Variants in NEGR1 observed in about 807,000 individuals in gnomAD.
The protein encoded by NEGR1 is neuronal growth regulator 1, also known as IgLON family member 4.
A neutral mutation model predicts 40.9 loss-of-function variants in NEGR1; 10 were observed. The ratio of observed to expected loss-of-function variants is 0.24; its 90% confidence interval spans 0.15 to 0.42. The LOEUF (loss-of-function observed/expected upper bound fraction) is 0.42. Ranked by LOEUF, NEGR1 falls within the 10% of genes least tolerant of loss-of-function variation. The probability of loss-of-function intolerance (pLI) is 1.00; values close to 1 mark genes in which losing one functional copy is unlikely to be tolerated. For synonymous variants in NEGR1, 185 were observed against 166.8 expected (o/e 1.11, Z -0.84); for missense variants, 352 against 438.9 (o/e 0.80, Z 1.77).
intron 6 of NEGR1, among the ~76,000 whole-genome samples, chr1:71,541,179 AT>A (rs1647693420): frequency 6.6e-6 from 1 of 151,676 alleles, no homozygotes; most frequent in East Asian, 2.0e-4. Flanking sequence ...ACTAGCTGTG[AT>A]ATATTTTGTA....
At chr1:72,220,913 A>AG (rs1653990909) in intron 1 of NEGR1, among the ~76,000 whole-genome samples, 3 of 54,852 alleles carry the variant, frequency 5.5e-5, no homozygotes, top group South Asian at 1.7e-3. Flanking sequence ...ACCTACCTAA[A>AG]GTTTTTTTTT....
Position 71,777,377 on chromosome 1 carries a change from C to T in NEGR1, c.410-1080G>A, listed in dbSNP as rs139192777. Among the ~76,000 whole-genome samples the T allele has an allele frequency of 2.5e-3, 377 of 152,154 alleles. 2 individuals are homozygous for T. Among genetic ancestry groups the T allele is most frequent in the African/African-American group, 8.7e-3 (363 of 41,544 alleles). ...TAGTGTTAGTCATTATTATTAGATG[C>T]TATTAAACACATATATGGTGTTTGA... On this transcript the variant is annotated intron_variant, in intron 2 of 6. Coordinates refer to ENST00000357731, the MANE Select transcript of NEGR1 (RefSeq NM_173808.3).
At chr1:71,691,378 T>A (rs1412751738) in intron 4 of NEGR1, among the ~76,000 whole-genome samples, 1 of 151,800 alleles carries the variant, frequency 6.6e-6, no homozygotes, top group Non-Finnish European at 1.5e-5. Context: ...AGAAAAGAAG[T>A]ATTTTACTTA....
At chr1:71,816,069 T>C (rs906457173) in intron 2 of NEGR1, among the ~76,000 whole-genome samples, 2 of 152,118 alleles carry the variant, frequency 1.3e-5, no homozygotes, top group South Asian at 4.1e-4. Context: ...CAAATATCCC[T>C]TGTCTTACTT....
intron 1 of NEGR1, among the ~76,000 whole-genome samples, chr1:72,171,292 A>G (rs1384319730): frequency 1.3e-5 from 2 of 152,224 alleles, no homozygotes; most frequent in African/African-American, 4.8e-5. Flanking sequence ...TAAAGATATT[A>G]GAATGCTATA....
intron 4 of NEGR1, among the ~76,000 whole-genome samples, chr1:71,641,323 C>T (rs150605428): frequency 8.8e-4 from 134 of 152,070 alleles, no homozygotes; most frequent in African/African-American, 3.1e-3. Flanking sequence ...GCTGAAGACT[C>T]ACGAAAGGTT....
chr1:71,898,964 C>CATATATATATATATATAGCAT (rs56183950), intron 2 of NEGR1, among the ~76,000 whole-genome samples: 2 of 95,938 alleles, frequency 2.1e-5, no homozygotes, highest in Admixed American at 2.4e-4. Context: ...ATATATATAG[C>CATATATATATATATATAGCAT]ATATATATAT....
chr1:71,542,907 A>G (rs1265201347), intron 6 of NEGR1, among the ~76,000 whole-genome samples: 1 of 151,790 alleles, frequency 6.6e-6, no homozygotes, highest in Non-Finnish European at 1.5e-5. Flanking sequence ...TGCCACTCTC[A>G]GACTGACCTG....
At position 71,406,695 on chromosome 1, in the gene NEGR1, C is replaced by T. The variant is rs1042354507; in HGVS notation, c.*751G>A. 1 of 152,476 alleles carries T rather than the reference C, an allele frequency of 6.6e-6. No homozygotes were observed. The highest frequency in any genetic ancestry group is 1.5e-5 in the Non-Finnish European group (1 of 67,944). The allele number at this position is 152,476 out of a possible 1,614,324, so 9.4% of individuals were successfully genotyped here. A position where few individuals can be genotyped will look rare whatever the true frequency, so the allele number is the denominator to read the frequency against. ...CAGTGCAGGAAGAGATTTTTACAGT[C>T]CAATAGCTCCTTCGTTACTTAGAGA... On this transcript the variant is annotated 3_prime_UTR_variant, in exon 7 of 7. Coordinates refer to ENST00000357731, the MANE Select transcript of NEGR1 (RefSeq NM_173808.3).
At chr1:71,803,571 CTAT>C (rs1211291352) in intron 2 of NEGR1, among the ~76,000 whole-genome samples, 2 of 152,120 alleles carry the variant, frequency 1.3e-5, no homozygotes, top group African/African-American at 4.8e-5. Flanking sequence ...GGCTCAGGGG[CTAT>C]AACTTGTGGT....
At chr1:71,653,139 G>A (rs1047824115) in intron 4 of NEGR1, among the ~76,000 whole-genome samples, 1 of 151,894 alleles carries the variant, frequency 6.6e-6, no homozygotes, top group Non-Finnish European at 1.5e-5. Flanking sequence ...ATGTTTTTCA[G>A]GCACATAATT....
intron 6 of NEGR1, among the ~76,000 whole-genome samples, chr1:71,470,937 G>T (rs1203262204): frequency 6.6e-6 from 1 of 151,870 alleles, no homozygotes; most frequent in African/African-American, 2.4e-5. Flanking sequence ...TCCTCATTTT[G>T]TTTAACATAT....
intron 1 of NEGR1, among the ~76,000 whole-genome samples, chr1:72,168,002 A>AT (rs1165398837): frequency 1.7e-4 from 2 of 12,012 alleles, no homozygotes; most frequent in East Asian, 0.011. Context: ...TATTATTATT[A>AT]TTATTTTTTT....
At chr1:72,048,937 C>A (rs1323892146) in intron 1 of NEGR1, among the ~76,000 whole-genome samples, 1 of 151,408 alleles carries the variant, frequency 6.6e-6, no homozygotes, top group African/African-American at 2.4e-5. Flanking sequence ...AATGAAGGAT[C>A]CAGATAAGTA....
At chr1:71,917,660 CG>C (rs1213171621) in intron 2 of NEGR1, among the ~76,000 whole-genome samples, 42 of 150,132 alleles carry the variant, frequency 2.8e-4, no homozygotes, top group Middle Eastern at 3.6e-3. Context: ...CGCCTGTAGT[CG>C]CCAGCTACTC....
intron 1 of NEGR1, among the ~76,000 whole-genome samples, chr1:72,181,811 T>A (rs1441951479): frequency 6.6e-6 from 1 of 152,054 alleles, no homozygotes; most frequent in African/African-American, 2.4e-5. Context: ...GAGCATGATA[T>A]CACTTATATG....
At chr1:72,057,821 G>A (rs929201410) in intron 1 of NEGR1, among the ~76,000 whole-genome samples, 1 of 151,488 alleles carries the variant, frequency 6.6e-6, no homozygotes, top group Non-Finnish European at 1.5e-5. Flanking sequence ...ACATGGCAGA[G>A]ACAGAAAGCT....
chr1:72,248,346 C>G (rs993928980), intron 1 of NEGR1, among the ~76,000 whole-genome samples: 1 of 152,084 alleles, frequency 6.6e-6, no homozygotes, highest in Admixed American at 6.6e-5. Context: ...CAACCTCCGC[C>G]TTCCGGGTTC....
intron 1 of NEGR1, among the ~76,000 whole-genome samples, chr1:72,189,281 C>A (rs548595222): frequency 4.0e-5 from 6 of 151,624 alleles, no homozygotes; most frequent in African/African-American, 1.2e-4. Flanking sequence ...CTCTGTGAAA[C>A]CTAATTTACT....
Sources: gnomAD v4.1 joint callset for allele counts (sites outside exome capture counted in the v4.1 genomes callset) on GRCh38, gnomAD v4.1.1 for gene constraint, MANE v1.5 for transcripts, NCBI Gene and HGNC (gene_info 2026-07-23, HGNC 2026-07-21) for gene names.